IFI44: variants seen among roughly 807,000 people sequenced by gnomAD.
IFI44 encodes the protein interferon induced protein 44.
IFI44 carries 42 observed loss-of-function variants against 45.0 expected under a neutral mutation model. The ratio of observed to expected loss-of-function variants is 0.93; its 90% CI spans 0.73 to 1.21. The LOEUF is 1.21. Ranked by LOEUF, IFI44 falls within the 50% of genes most tolerant of loss-of-function variation. IFI44 has a pLI of 0.00. For missense variants in IFI44, 623 were observed against 525.8 expected (o/e 1.18, Z -1.81); for synonymous variants, 221 against 188.6 (o/e 1.17, Z -1.41).
chr1:78,663,027 AT>A, intron 8 of IFI44, 149 bp downstream of exon 8: 4 of 1,504,224 alleles, frequency 2.7e-6, no homozygotes, highest in Non-Finnish European at 2.7e-6. Context: ...CCCTGGATGC[AT>A]TTTTCCCTCC....
chr1:78,663,067 T>C (rs1409694103), intron 8 of IFI44, 189 bp downstream of exon 8: 2 of 1,452,730 alleles, frequency 1.4e-6, no homozygotes, highest in Non-Finnish European at 1.8e-6. Context: ...CTGGAGTTCA[T>C]ACTAGAGAAT....
At chr1:78,656,451 A>G (rs1325737100) in intron 5 of IFI44, among the ~76,000 whole-genome samples, 1 of 152,170 alleles carries the variant, frequency 6.6e-6, no homozygotes, top group Non-Finnish European at 1.5e-5. Context: ...TATTTGGGTC[A>G]GTTTTTGTAT....
In IFI44 at chr1:78,655,075, CA is replaced by C. The variant is rs757286343; in HGVS notation, c.559del (p.Ile187TyrfsTer20). Reference protein sequence around the residue: ...TYEPYGSLVQQIRILLLGPIG... With the variant: ...TYEPYGSLVQXIRILLLGPIG... ...TGAACCATATGGATCCCTGGTTCAACAAATACGAATTCTGCTGCTGGGTCCA... is the reference window on the plus strand; with the variant it reads ...TGAACCATATGGATCCCTGGTTCAACAATACGAATTCTGCTGCTGGGTCCA... On this transcript the variant is annotated frameshift_variant, in exon 4 of 9. Coordinates refer to ENST00000370747, the MANE Select transcript of IFI44 (RefSeq NM_006417.5). LOFTEE classifies it high-confidence loss of function. 5 of 1,613,806 alleles carry C rather than the reference CA, an allele frequency of 3.1e-6. No homozygotes were observed. Among genetic ancestry groups the C allele is most frequent in the Non-Finnish European group, 4.2e-6 (5 of 1,179,882 alleles).
At chr1:78,651,274 G>A (rs1647120053) in intron 2 of IFI44, among the ~76,000 whole-genome samples, 1 of 152,162 alleles carries the variant, frequency 6.6e-6, no homozygotes, top group South Asian at 2.1e-4. Context: ...GGAACCCGGA[G>A]CTTGTTTTCC....
At position 78,650,664 on chromosome 1, in the gene IFI44, T is replaced by C; in HGVS notation, c.457+12T>C. 6.6e-7 allele frequency: 1 copy of C among 1,512,370 alleles called. No homozygotes were observed. Among genetic ancestry groups the C allele is most frequent in the Non-Finnish European group, 9.0e-7 (1 of 1,113,424 alleles). The allele number at this position is 1,512,370 out of a possible 1,614,324, so 93.7% of individuals were successfully genotyped here. ...TTTTCGATGCGAAGGTAGGTTTAAT[T>C]AGATAATCCTGTAGAGAGTTCTCCC... On this transcript the variant is annotated intron_variant, in intron 2 of 8. Transcript: ENST00000370747.
rs758204855 is a variant in IFI44 at position 78,659,365 on chromosome 1, A to T, written c.894A>T (p.Pro298=). 1.9e-6 allele frequency: 3 copies of T among 1,613,478 alleles called. No individual in the cohort carries two copies. The highest frequency in any genetic ancestry group is 3.3e-5 in the Admixed American group (2 of 60,002). Residue 298 remains proline (P), a synonymous_variant, in exon 6 of 9, where the codon CCA becomes CCT. Transcript: ENST00000370747. ...KLNHHDYIDS[P]SLKDRIHCVA... The stretch of plus-strand genomic sequence containing the variant: ...ATCATCATGACTACATTGATTCCCC[A>T]TCGCTGAAGGACAGAATTCATTGTG...
chr1:78,657,317 T>G (rs953128186), intron 5 of IFI44, among the ~76,000 whole-genome samples: 17 of 152,254 alleles, frequency 1.1e-4, no homozygotes, highest in Admixed American at 7.9e-4. Context: ...CATTTGTTTC[T>G]TAAGAAATCT....
At chr1:78,660,496 A>T in intron 6 of IFI44, 58 bp from the exon 7 acceptor site, 1 of 1,259,298 alleles carries the variant, frequency 7.9e-7, no homozygotes, top group South Asian at 1.2e-5. Context: ...TTGATAGTTA[A>T]ATAACTTGAA....
intron 5 of IFI44, among the ~76,000 whole-genome samples, chr1:78,657,519 T>C (rs1647245530): frequency 6.6e-6 from 1 of 152,140 alleles, no homozygotes; most frequent in South Asian, 2.1e-4. Flanking sequence ...ATTTATCCCT[T>C]TTCTAATACT....
rs147238806 is a variant in IFI44 at position 78,662,734 on chromosome 1, G to A, written c.1144G>A (p.Ala382Thr). The A allele has an allele frequency of 3.8e-5, 61 of 1,613,298 alleles. No individual in the cohort carries two copies. The African/African-American group carries it at 7.5e-4, about 20-fold the overall frequency. The change falls in exon 8 of 9, where the codon GCT (alanine) becomes ACT (threonine). Residue 382 changes from alanine to threonine, a missense_variant. Transcript: ENST00000370747. The stretch of plus-strand genomic sequence containing the variant: ...GGAAGTCCAAAGAAAACTTGGATTT[G>A]CTCTTTCTGACATCTCGGTGGTTAG... ...LEEVQRKLGF[A>T]LSDISVVSNY... is the part of the protein sequence containing the mutation.
At chr1:78,655,610 A>G (rs1647195411) in intron 5 of IFI44, 99 bp downstream of exon 5, 1 of 1,094,854 alleles carries the variant, frequency 9.1e-7, no homozygotes, top group South Asian at 1.7e-5. Context: ...CTTGCTCAAG[A>G]TCCTTTGTCT....
rs200717409 is a variant in IFI44 at position 78,650,633 on chromosome 1, T to C, written c.438T>C (p.Tyr146=). The change falls in exon 2 of 9, where the codon TAT becomes TAC. Residue 146 remains tyrosine, a synonymous_variant. Transcript: ENST00000370747. ...ATTGTACTATCTCTATTCAGGATTA[T>C]GAAGTTTTTCGATGCGAAGGTAGGT... ...AQNCTISIQD[Y]EVFRCEDSLD... 1.3e-6 allele frequency: 2 copies of C among 1,589,286 alleles called. No homozygotes were observed. The highest frequency in any genetic ancestry group is 1.2e-5 in the South Asian group (1 of 86,362).
At chr1:78,650,708 T>A (rs975360083) in intron 2 of IFI44, 56 bp downstream of exon 2, 26 of 1,172,922 alleles carry the variant, frequency 2.2e-5, no homozygotes, top group Non-Finnish European at 3.0e-5. Flanking sequence ...TTGGTAGGTT[T>A]GAACCAATTC....
Position 78,663,856 on chromosome 1 carries a change from A to G in IFI44, c.*45A>G, listed in dbSNP as rs751574192. 1.9e-6 allele frequency: 3 copies of G among 1,573,120 alleles called. No individual in the cohort carries two copies. Among genetic ancestry groups the G allele is most frequent in the South Asian group, 2.3e-5 (2 of 85,634 alleles). The stretch of plus-strand genomic sequence containing the variant: ...AAATTTCCTCACATCACAGAAGATT[A>G]AAATTCAGAAAGGAGAAAACACAGA... On this transcript the variant is annotated 3_prime_UTR_variant, in exon 9 of 9. Transcript: ENST00000370747.
At chr1:78,655,660 G>A (rs1401757008) in intron 5 of IFI44, 149 bp downstream of exon 5, 17 of 661,464 alleles carry the variant, frequency 2.6e-5, no homozygotes, top group Middle Eastern at 8.7e-4. Flanking sequence ...AAAACATCTC[G>A]AGGGCTCTTC....
rs544846466 is a variant in IFI44 at position 78,663,955 on chromosome 1, T to C, written c.*144T>C. The C allele has an allele frequency of 3.0e-5, 16 of 528,066 alleles. No individual in the cohort carries two copies. In the South Asian group the frequency reaches 6.7e-4, roughly 22 times the overall value. The allele number at this position is 528,066 out of a possible 1,614,324, so 32.7% of individuals were successfully genotyped here. On this transcript the variant is annotated 3_prime_UTR_variant, in exon 9 of 9. Transcript: ENST00000370747. The stretch of plus-strand genomic sequence containing the variant: ...GGATGAAGAAATGCATAGAACATTG[T>C]AGTACTTGTAAATAACTAGAAATAA...
intron 5 of IFI44, 89 bp from the exon 6 acceptor site, chr1:78,659,223 C>T: frequency 3.8e-6 from 4 of 1,040,582 alleles, no homozygotes; most frequent in Non-Finnish European, 5.7e-6. Context: ...TTTTGTTTAC[C>T]ATTTGATTCA....
At position 78,650,632 on chromosome 1, in the gene IFI44, A is replaced by G. The variant is rs201304230; in HGVS notation, c.437A>G (p.Tyr146Cys). ...AQNCTISIQD[Y>C]EVFRCEDSLD... Reference sequence around the variant, plus strand: ...AATTGTACTATCTCTATTCAGGATTATGAAGTTTTTCGATGCGAAGGTAGG... The same window carrying G: ...AATTGTACTATCTCTATTCAGGATTGTGAAGTTTTTCGATGCGAAGGTAGG... The change falls in exon 2 of 9, where the codon TAT (tyrosine) becomes TGT (cysteine). Residue 146 changes from tyrosine to cysteine, a missense_variant. Transcript: ENST00000370747. 2 of 1,589,832 alleles carry G rather than the reference A, an allele frequency of 1.3e-6. No homozygotes were observed. The highest frequency in any genetic ancestry group is 8.5e-7 in the Non-Finnish European group (1 of 1,170,420).
rs985740320 is a variant in IFI44, at chr1:78,663,127, T to C, written c.1288+249T>C. 5 of 985,258 alleles carry C rather than the reference T, an allele frequency of 5.1e-6. No individual in the cohort carries two copies. In the African/African-American group the frequency reaches 7.0e-5, roughly 14 times the overall value. 61.0% of individuals were successfully genotyped at this position (985,258 alleles called of 1,614,324 possible). A position where few individuals can be genotyped will look rare whatever the true frequency, so the allele number is the denominator to read the frequency against. On this transcript the variant is annotated intron_variant, in intron 8 of 8. Coordinates refer to ENST00000370747, the MANE Select transcript of IFI44 (RefSeq NM_006417.5). The stretch of plus-strand genomic sequence containing the variant: ...TCTTGAGATGAAAGTTTTAAAATAA[T>C]CCACCTCTGTCATTTCCACTCTCTG...
Sources: gnomAD v4.1 joint callset for allele counts (sites outside exome capture counted in the v4.1 genomes callset) on GRCh38, gnomAD v4.1.1 for gene constraint, MANE v1.5 for transcripts, NCBI Gene and HGNC (gene_info 2026-07-23, HGNC 2026-07-21) for gene names.